ATAD5: variants seen among roughly 807,000 people sequenced by gnomAD.
The protein encoded by ATAD5 is ATPase family AAA domain containing 5, also known as ATPase family AAA domain-containing protein 5.
In ATAD5, 58 loss-of-function variants were observed where a neutral mutation model predicts 176.9. The observed-to-expected ratio is 0.33, with a 90% CI of 0.27 to 0.41. The LOEUF (loss-of-function observed/expected upper bound fraction) is 0.41, where lower values mean the gene tolerates loss of function less well. Among genes scored for constraint, ATAD5 ranks in the 10% least tolerant of loss-of-function variants. ATAD5 has a pLI of 1.00. For synonymous variants in ATAD5, 640 were observed against 712.6 expected, an observed-to-expected ratio of 0.90 and a Z score of 1.62; for missense variants, 1,789 against 2,094.1, an observed-to-expected ratio of 0.85 and a Z score of 2.84.
Position 30,850,846 on chromosome 17 carries a change from TATATATATATATATATATATATA to T in ATAD5, c.2451-4296_2451-4274del, listed in dbSNP as rs1431779961. 1.1e-3 allele frequency among the ~76,000 whole-genome samples: 33 copies of T among 30,822 alleles called. 2 individuals are homozygous for T. The highest frequency in any genetic ancestry group is 1.8e-3 in the Non-Finnish European group (26 of 14,386). 20.2% of individuals were successfully genotyped at this position (30,822 alleles called of 152,430 possible). On this transcript the variant is annotated intron_variant, in intron 6 of 22. Coordinates refer to ENST00000321990, the MANE Select transcript of ATAD5 (RefSeq NM_024857.5). ...ATTTATATATTTTTATATATATATA[TATATATATATATATATATATATA>T]TTTTTTTTTTTTTTTTTTTTTTTTT...
intron 6 of ATAD5, among the ~76,000 whole-genome samples, chr17:30,849,801 A>G (rs1249523261): frequency 6.6e-6 from 1 of 152,228 alleles, no homozygotes; most frequent in Non-Finnish European, 1.5e-5. Context: ...CTAACATTTA[A>G]AAGACACAAA....
Position 30,869,295 on chromosome 17 carries a change from G to A in ATAD5, c.3361G>A (p.Glu1121Lys). 6.2e-7 allele frequency: 1 copy of A among 1,613,972 alleles called. No homozygotes were observed. Among genetic ancestry groups the A allele is most frequent in the African/African-American group, 1.3e-5 (1 of 74,996 alleles). ...TAAAGGCAGTTCAGATGATGAAGAA[G>A]AGAGTCGTCTTTGCAATACTGTCCT... ...DFKGSSDDEE[E>K]SRLCNTVLIT... is the part of the protein sequence containing the mutation. The change falls in exon 13 of 23, where the codon GAG becomes AAG. Residue 1121 changes from glutamate (E) to lysine (K), a missense_variant. Glu to Lys is a moderately conservative substitution (Grantham distance 56). This residue lies in a region of ATAD5 where 487 missense variants were observed against 573.6 expected (regional missense o/e 0.85). Coordinates refer to ENST00000321990, the MANE Select transcript of ATAD5 (RefSeq NM_024857.5).
intron 2 of ATAD5, among the ~76,000 whole-genome samples, chr17:30,836,702 G>A (rs1274525041): frequency 6.6e-6 from 1 of 151,960 alleles, no homozygotes; most frequent in East Asian, 1.9e-4. Context: ...TGAGTAGCTG[G>A]GATTACAGGT....
Position 30,878,093 on chromosome 17 carries a change from AGTGGTAG to A in ATAD5, c.4012_4012+6del. The A allele has an allele frequency of 6.3e-7, 1 of 1,599,740 alleles. No homozygotes were observed. ...TAAACGACCTGTAATCCTTACTACA[AGTGGTAG>A]GTAACAATGATTTTACTTCAGTTAA... On this transcript the variant is annotated splice_donor_variant and splice_donor_region_variant and coding_sequence_variant and intron_variant, in exon 17 of 23. Coordinates refer to ENST00000321990, the MANE Select transcript of ATAD5 (RefSeq NM_024857.5). LOFTEE classifies it high-confidence loss of function.
chr17:30,853,414 A>AT (rs1309028465), intron 6 of ATAD5, among the ~76,000 whole-genome samples: 1 of 151,808 alleles, frequency 6.6e-6, no homozygotes, highest in Non-Finnish European at 1.5e-5. Context: ...ATAGAGACAT[A>AT]CTAATTTAAC....
At chr17:30,856,092 A>G (rs1567686186) in intron 7 of ATAD5, among the ~76,000 whole-genome samples, 1 of 152,142 alleles carries the variant, frequency 6.6e-6, no homozygotes, top group Admixed American at 6.5e-5. Context: ...TGATAAACTC[A>G]TTTTCACAGG....
At chr17:30,894,505 T>C (rs1909812857) in intron 21 of ATAD5, 59 bp from the exon 22 acceptor site, 13 of 1,517,090 alleles carry the variant, frequency 8.6e-6, no homozygotes, top group Non-Finnish European at 1.2e-5. Flanking sequence ...TGGTTGTGAT[T>C]GGGATTACTG....
chr17:30,866,185 ATTTTTTTTTTT>A (rs542432593), intron 11 of ATAD5, among the ~76,000 whole-genome samples: 5,413 of 79,276 alleles, frequency 0.068, 171 homozygotes, highest in Non-Finnish European at 0.088. Flanking sequence ...GAATTTACAA[ATTTTTTTTTTT>A]TTTTTTTTTT....
chr17:30,847,363 C>G (rs1253358626), intron 6 of ATAD5, among the ~76,000 whole-genome samples: 1 of 151,770 alleles, frequency 6.6e-6, no homozygotes, highest in Non-Finnish European at 1.5e-5. Flanking sequence ...TGGAGTCTTG[C>G]ACTGTCGCCC....
chr17:30,877,967 AGTG>A, intron 16 of ATAD5, 33 bp from the exon 17 acceptor site: 1 of 1,323,758 alleles, frequency 7.6e-7, no homozygotes, highest in Non-Finnish European at 1.1e-6. Context: ...GATATTAGTA[AGTG>A]TATTAATATA....
Position 30,843,935 on chromosome 17 carries a change from C to G in ATAD5, c.2264C>G (p.Ser755Ter). 1 of 1,440,790 alleles carries G rather than the reference C, an allele frequency of 6.9e-7. No homozygotes were observed. The highest frequency in any genetic ancestry group is 9.4e-7 in the Non-Finnish European group (1 of 1,059,290). 89.3% of individuals were successfully genotyped at this position (1,440,790 alleles called of 1,614,324 possible). ...TAGGATTCTGTTATAATAATAGATT[C>G]AAGTCCTACTGCTTTAAAGCATCCA... The part of the protein sequence containing the change: ...ETEDSVIIID[S>*]SPTALKHPEK... The change falls in exon 5 of 23, where the codon TCA becomes TGA. Residue 755 changes from serine (S) to a stop codon, truncating the protein, a stop_gained. Transcript: ENST00000321990. LOFTEE classifies it high-confidence loss of function.
chr17:30,854,609 T>A (rs1277113450), intron 6 of ATAD5, among the ~76,000 whole-genome samples: 1 of 151,868 alleles, frequency 6.6e-6, no homozygotes, highest in Admixed American at 6.6e-5. Flanking sequence ...TGACCTCAGG[T>A]GATCCACCCT....
intron 8 of ATAD5, 36 bp downstream of exon 8, chr17:30,857,148 T>C (rs73277967): frequency 6.4e-7 from 1 of 1,570,060 alleles, no homozygotes; most frequent in Non-Finnish European, 8.6e-7. Context: ...GTAGAGTGTT[T>C]CCCTTACATC....
At chr17:30,882,591 A>G (rs1909091644) in intron 18 of ATAD5, among the ~76,000 whole-genome samples, 1 of 150,276 alleles carries the variant, frequency 6.7e-6, no homozygotes, top group Non-Finnish European at 1.5e-5. Context: ...CTCTGGAAGA[A>G]AAAGAAAAAA....
chr17:30,872,569 T>G (rs183953500), intron 14 of ATAD5, among the ~76,000 whole-genome samples: 57 of 146,274 alleles, frequency 3.9e-4, no homozygotes, highest in African/African-American at 1.3e-3. Context: ...TTTTTTTCTT[T>G]TTTTGAGACG....
intron 18 of ATAD5, among the ~76,000 whole-genome samples, chr17:30,884,424 C>CTTTTTTTTTTTTTTTTTTTTTTTTT (rs61664127): frequency 3.7e-5 from 3 of 80,982 alleles, no homozygotes; most frequent in Non-Finnish European, 4.4e-5. Flanking sequence ...CTTTTCTTTT[C>CTTTTTTTTTTTTTTTTTTTTTTTTT]TTTTTTTTTT....
chr17:30,891,191 G>T (rs553911790), intron 19 of ATAD5, among the ~76,000 whole-genome samples: 2 of 152,080 alleles, frequency 1.3e-5, no homozygotes, highest in Non-Finnish European at 2.9e-5. Context: ...GATGATAATT[G>T]TACCAACTTA....
chr17:30,889,859 C>CT (rs1909526229), intron 19 of ATAD5, among the ~76,000 whole-genome samples: 1 of 133,394 alleles, frequency 7.5e-6, no homozygotes, highest in South Asian at 2.5e-4. Context: ...TTAACGTATT[C>CT]TTTTTCTTTT....
At position 30,835,463 on chromosome 17, in the gene ATAD5, T is replaced by C; in HGVS notation, c.1382T>C (p.Leu461Ser). The change falls in exon 2 of 23, where the codon TTA (leucine) becomes TCA (serine). Residue 461 changes from leucine (L) to serine (S), a missense_variant. Around this residue, in one of 6 missense-constraint regions of ATAD5, gnomAD observed 696 missense variants for 712.5 expected, o/e 0.98. Transcript: ENST00000321990. ...CAAATGGTTTCAAAAAATGGCAATT[T>C]ACAGTTACACACTGATAAAGGAAGT... The part of the protein sequence containing the change: ...GIQMVSKNGN[L>S]QLHTDKGSFL... 1 of 1,611,462 alleles carries C rather than the reference T, an allele frequency of 6.2e-7. No individual in the cohort carries two copies. The highest frequency in any genetic ancestry group is 8.5e-7 in the Non-Finnish European group (1 of 1,179,246).
Sources: gnomAD v4.1 joint callset for allele counts (sites outside exome capture counted in the v4.1 genomes callset) on GRCh38, gnomAD v4.1.1 for gene constraint, gnomAD v4.1.1 regional missense constraint, MANE v1.5 for transcripts, NCBI Gene and HGNC (gene_info 2026-07-23, HGNC 2026-07-21) for gene names.